RAB1A: variants seen among roughly 807,000 people sequenced by gnomAD.
The protein encoded by RAB1A is RAB1A, member RAS oncogene family, also known as ras-related protein Rab-1A.
A neutral mutation model predicts 26.0 loss-of-function variants in RAB1A; 2 were observed. The observed-to-expected ratio is 0.08, with a 90% CI of 0.03 to 0.24. The LOEUF (loss-of-function observed/expected upper bound fraction) is 0.24. Among genes scored for constraint, RAB1A ranks in the 10% least tolerant of loss-of-function variants. The probability of loss-of-function intolerance (pLI) is 1.00; values close to 1 mark genes in which losing one functional copy is unlikely to be tolerated. For missense variants in RAB1A, 100 were observed against 247.0 expected, an observed-to-expected ratio of 0.40 and a Z score of 3.99; for synonymous variants, 84 against 84.9, an observed-to-expected ratio of 0.99 and a Z score of 0.06.
At chr2:65,088,826 C>G (rs1357246567) in intron 5 of RAB1A, 113 bp downstream of exon 5, 2 of 1,339,502 alleles carry the variant, frequency 1.5e-6, no homozygotes, top group Non-Finnish European at 2.0e-6. Flanking sequence ...TTGTCACTGT[C>G]ACAGTATTCT....
At chr2:65,119,780 G>C (rs1669913392) in intron 1 of RAB1A, among the ~76,000 whole-genome samples, 4 of 128,514 alleles carry the variant, frequency 3.1e-5, no homozygotes, top group Non-Finnish European at 4.6e-5. Flanking sequence ...TAAGGTAGGA[G>C]GACTGCTTGA....
chr2:65,105,108 A>G (rs1035240105), intron 1 of RAB1A, among the ~76,000 whole-genome samples: 2 of 152,234 alleles, frequency 1.3e-5, no homozygotes, highest in African/African-American at 2.4e-5. Flanking sequence ...ACTGCCCAAG[A>G]TACTTAAAAC....
intron 3 of RAB1A, among the ~76,000 whole-genome samples, chr2:65,095,867 C>G (rs867975045): frequency 1.3e-5 from 2 of 151,904 alleles, no homozygotes; most frequent in African/African-American, 4.8e-5. Context: ...CAAAAATTAT[C>G]GGAAGGCTGG....
chr2:65,096,800 G>A (rs1273335659), intron 3 of RAB1A, among the ~76,000 whole-genome samples: 1 of 152,140 alleles, frequency 6.6e-6, no homozygotes, highest in Non-Finnish European at 1.5e-5. Flanking sequence ...TAAGAAAAGG[G>A]AGCAACTTAA....
intron 3 of RAB1A, among the ~76,000 whole-genome samples, chr2:65,096,784 G>A (rs986710689): frequency 3.4e-4 from 52 of 152,270 alleles, no homozygotes; most frequent in African/African-American, 9.4e-4. Context: ...CCTCATCAGA[G>A]TCATGTAAGA....
intron 2 of RAB1A, among the ~76,000 whole-genome samples, chr2:65,102,679 G>C (rs1341109225): frequency 4.0e-5 from 6 of 151,174 alleles, no homozygotes; most frequent in Non-Finnish European, 1.5e-5. Flanking sequence ...TGTAATCCCA[G>C]CACTTTGGGA....
At chr2:65,129,665 C>G (rs1205776560) in intron 1 of RAB1A, among the ~76,000 whole-genome samples, 2 of 151,992 alleles carry the variant, frequency 1.3e-5, no homozygotes, top group Non-Finnish European at 2.9e-5. Flanking sequence ...CTAACCTGAC[C>G]CGGTCCAGGC....
chr2:65,088,743 T>C, intron 5 of RAB1A, 53 bp from the exon 6 acceptor site: 3 of 1,464,372 alleles, frequency 2.0e-6, no homozygotes, highest in Middle Eastern at 1.8e-4. Context: ...TCACTAATTC[T>C]TAGTGCATTT....
intron 1 of RAB1A, among the ~76,000 whole-genome samples, chr2:65,129,044 C>G (rs982325044): frequency 6.6e-6 from 1 of 152,058 alleles, no homozygotes; most frequent in Non-Finnish European, 1.5e-5. Context: ...TAATCCAAAA[C>G]CTACATACAG....
intron 1 of RAB1A, among the ~76,000 whole-genome samples, chr2:65,119,587 A>T (rs1423190695): frequency 1.3e-5 from 2 of 151,800 alleles, no homozygotes; most frequent in African/African-American, 2.4e-5. Context: ...ACAAAAACAA[A>T]AAAAAACAAA....
intron 1 of RAB1A, among the ~76,000 whole-genome samples, chr2:65,119,852 A>C (rs1227886426): frequency 6.7e-6 from 1 of 149,170 alleles, no homozygotes; most frequent in African/African-American, 2.4e-5. Context: ...AAAAAAAAAA[A>C]AAAAAAAAAA....
rs1365777738 is a variant in RAB1A at position 65,089,011 on chromosome 2, A to G, written c.348T>C (p.Asn116=). The G allele has an allele frequency of 6.2e-7, 1 of 1,610,468 alleles. No homozygotes were observed. The highest frequency in any genetic ancestry group is 1.3e-5 in the African/African-American group (1 of 74,910). ...TGTTCCCTACCAACAATTTGTTGACATTTTCACTGGCATAACGATCTATTT... is the reference window on the plus strand; with the variant it reads ...TGTTCCCTACCAACAATTTGTTGACGTTTTCACTGGCATAACGATCTATTT... ...LQEIDRYASE[N]VNKLLVGNKC... is the part of the protein sequence containing the mutation. Residue 116 remains asparagine (N), a synonymous_variant, in exon 5 of 6, where the codon AAT becomes AAC. Transcript: ENST00000409784.
Position 65,129,924 on chromosome 2 carries a change from A to AG in RAB1A, c.-10dup. The AG allele has an allele frequency of 6.3e-7, 1 of 1,586,476 alleles. No individual in the cohort carries two copies. On this transcript the variant is annotated 5_prime_UTR_variant, in exon 1 of 6. Transcript: ENST00000409784. The stretch of plus-strand genomic sequence containing the variant: ...GGATTCATGCTGGACATGTCACTGC[A>AG]GCTGCCGCCGCCGCCACCGCCGCCC...
intron 2 of RAB1A, among the ~76,000 whole-genome samples, chr2:65,098,847 T>TTTTTTTG (rs1365517623): frequency 6.8e-6 from 1 of 147,336 alleles, no homozygotes; most frequent in Non-Finnish European, 1.5e-5. Flanking sequence ...TTTTTTTTTT[T>TTTTTTTG]TTTTTTGAGG....
At chr2:65,108,039 G>A (rs1212353422) in intron 1 of RAB1A, among the ~76,000 whole-genome samples, 11 of 142,980 alleles carry the variant, frequency 7.7e-5, no homozygotes, top group South Asian at 4.7e-4. Context: ...ACTCCAGCAC[G>A]GGCAAAAGAG....
chr2:65,122,154 T>TTA lies in RAB1A; in HGVS notation c.23+7738_23+7739insTA, dbSNP rs1558588148. 5.3e-4 allele frequency among the ~76,000 whole-genome samples: 61 copies of TTA among 115,790 alleles called. 5 individuals are homozygous for TTA. The highest frequency in any genetic ancestry group is 2.2e-3 in the African/African-American group (58 of 26,758). The allele number at this position is 115,790 out of a possible 152,430, so 76.0% of individuals were successfully genotyped here. On this transcript the variant is annotated intron_variant, in intron 1 of 5. Transcript: ENST00000409784. ...CTGGGTGACAGAGCAAGACTCTATC[T>TTA]CAAAAAAAAAAAAAAAAAAAAAAAA...
At chr2:65,129,682 G>T (rs1318480022) in intron 1 of RAB1A, among the ~76,000 whole-genome samples, 2 of 151,502 alleles carry the variant, frequency 1.3e-5, no homozygotes, top group Non-Finnish European at 2.9e-5. Context: ...AGGCCCGGGC[G>T]GCTCACCCCT....
At chr2:65,112,826 G>A (rs892316185) in intron 1 of RAB1A, among the ~76,000 whole-genome samples, 6 of 152,112 alleles carry the variant, frequency 3.9e-5, no homozygotes, top group Non-Finnish European at 7.3e-5. Context: ...GTCTACTTTC[G>A]CAATATTGGA....
At chr2:65,122,670 G>A (rs547829224) in intron 1 of RAB1A, among the ~76,000 whole-genome samples, 2 of 152,044 alleles carry the variant, frequency 1.3e-5, no homozygotes, top group South Asian at 4.2e-4. Flanking sequence ...AAAGTATATA[G>A]CTTGCCACAA....
Sources: allele counts gnomAD v4.1 joint callset (sites outside exome capture counted in the v4.1 genomes callset), GRCh38; gene constraint gnomAD v4.1.1; transcripts MANE v1.5; gene names NCBI Gene and HGNC (gene_info 2026-07-23, HGNC 2026-07-21).